The following DCAF11 variants were observed in gnomAD, a reference collection of about 807,000 sequenced individuals.
The protein encoded by DCAF11 is DDB1- and CUL4-associated factor 11.
DCAF11 carries 44 observed loss-of-function variants against 76.1 expected under a neutral mutation model. That is an observed-to-expected ratio of 0.58 (90% CI 0.45 to 0.74). DCAF11 has a LOEUF of 0.74. DCAF11 is among the 30% of genes least tolerant of loss of function. The pLI, the probability that DCAF11 is intolerant of heterozygous loss-of-function variation, is 0.00. For synonymous variants in DCAF11, 258 were observed against 255.0 expected, an observed-to-expected ratio of 1.01 and a Z score of -0.11; for missense variants, 604 against 709.4, an observed-to-expected ratio of 0.85 and a Z score of 1.69.
At chr14:24,120,774 C>G in intron 11 of DCAF11, 64 bp from the exon 12 acceptor site, 1 of 1,591,164 alleles carries the variant, frequency 6.3e-7, no homozygotes, top group South Asian at 1.1e-5. Flanking sequence ...AGAACGGGAA[C>G]TAGACTGACA....
At chr14:24,120,716 G>A in intron 11 of DCAF11, 122 bp from the exon 12 acceptor site, 1 of 1,249,808 alleles carries the variant, frequency 8.0e-7, no homozygotes, top group Non-Finnish European at 1.1e-6. Context: ...TCACCTGGAT[G>A]AAGAGAGGCA....
rs1566589547 is a variant in DCAF11, at chr14:24,115,228, G to A, written c.-279G>A. The stretch of plus-strand genomic sequence containing the variant: ...GAGGGATTTCGATTGGTCGGTCAGA[G>A]AGGTTACCTGGAAATCCAACACCGC... On this transcript the variant is annotated 5_prime_UTR_variant, in exon 1 of 15. Transcript: ENST00000446197. 5.1e-6 allele frequency: 1 copy of A among 196,934 alleles called. No homozygotes were observed. Among genetic ancestry groups the A allele is most frequent in the Non-Finnish European group, 9.8e-6 (1 of 102,246 alleles). The allele number at this position is 196,934 out of a possible 1,614,324, so 12.2% of individuals were successfully genotyped here.
rs369559593 is a variant in DCAF11, at chr14:24,120,004, G to T, written c.1092+108G>T. ...ATTTGACAAGCTCCTTATTAACCAA[G>T]GTTTGTAAGAGTTGGAGTTTAGGGA... On this transcript the variant is annotated intron_variant, in intron 11 of 14. Coordinates refer to ENST00000446197, the MANE Select transcript of DCAF11 (RefSeq NM_025230.5). 1,068 of 1,366,254 alleles carry T rather than the reference G, an allele frequency of 7.8e-4. 9 individuals carry two copies. Among genetic ancestry groups the T allele is most frequent in the Middle Eastern group, 2.1e-3 (8 of 3,754 alleles). 84.6% of individuals were successfully genotyped at this position (1,366,254 alleles called of 1,614,324 possible).
At chr14:24,122,513 GAAAA>G (rs796958184) in intron 13 of DCAF11, among the ~76,000 whole-genome samples, 23 of 142,392 alleles carry the variant, frequency 1.6e-4, no homozygotes, top group African/African-American at 5.8e-4. Context: ...AAAAGAAAAA[GAAAA>G]AAAAAACCAG....
chr14:24,123,473 T>C lies in DCAF11; in HGVS notation c.*164T>C. 8.9e-7 allele frequency: 1 copy of C among 1,127,484 alleles called. No individual in the cohort carries two copies. The allele number at this position is 1,127,484 out of a possible 1,614,324, so 69.8% of individuals were successfully genotyped here. A position where few individuals can be genotyped will look rare whatever the true frequency, so the allele number is the denominator to read the frequency against. On this transcript the variant is annotated 3_prime_UTR_variant, in exon 15 of 15. Coordinates refer to ENST00000446197, the MANE Select transcript of DCAF11 (RefSeq NM_025230.5). ...GCTGAGCCCTGGAAGATTCTCCCCATGGGGCAGAGTGGTCTCCTTACGTGC... is the reference window on the plus strand; with the variant it reads ...GCTGAGCCCTGGAAGATTCTCCCCACGGGGCAGAGTGGTCTCCTTACGTGC...
At position 24,118,824 on chromosome 14, in the gene DCAF11, G is replaced by A; in HGVS notation, c.779+20G>A. The A allele has an allele frequency of 6.2e-7, 1 of 1,613,430 alleles. No homozygotes were observed. The highest frequency in any genetic ancestry group is 8.5e-7 in the Non-Finnish European group (1 of 1,179,564). On this transcript the variant is annotated intron_variant, in intron 8 of 14. Coordinates refer to ENST00000446197, the MANE Select transcript of DCAF11 (RefSeq NM_025230.5). ...TCTCAGGTACTGGCTTCCCTTTCTGGTCAGACTCATCAGAAACTTCTCAAG... is the reference window on the plus strand; with the variant it reads ...TCTCAGGTACTGGCTTCCCTTTCTGATCAGACTCATCAGAAACTTCTCAAG...
rs2037589027 is a variant in DCAF11 at position 24,116,892 on chromosome 14, C to T, written c.156-25C>T. 5 of 1,613,744 alleles carry T rather than the reference C, an allele frequency of 3.1e-6. No individual in the cohort carries two copies. The African/African-American group carries it at 6.7e-5, about 22-fold the overall frequency. ...TTGGTTTGGGGGAAGAAGTCCCCTC[C>T]TTTATAATGGGGGTCTCTCCACAGA... On this transcript the variant is annotated intron_variant, in intron 2 of 14. Coordinates refer to ENST00000446197, the MANE Select transcript of DCAF11 (RefSeq NM_025230.5).
rs192793649 is a variant in DCAF11 at position 24,115,020 on chromosome 14, C to A, written c.-487C>A. On this transcript the variant is annotated 5_prime_UTR_variant, in exon 1 of 15. Transcript: ENST00000446197. ...TGGCGTACACACCCCCGGCGCACCA[C>A]GTGGGCGTGAGGCGAGGAAGGAGGG... The A allele has an allele frequency of 3.3e-5, 33 of 986,002 alleles. No homozygotes were observed. The Admixed American group carries it at 1.7e-3, about 51-fold the overall frequency. The allele number at this position is 986,002 out of a possible 1,614,324, so 61.1% of individuals were successfully genotyped here.
rs1348194041 is a variant in DCAF11, at chr14:24,115,647, AGGGCTTGCCCCGAAGAG to A, written c.59_75del (p.Leu20TrpfsTer6). 1 of 1,614,000 alleles carries A rather than the reference AGGGCTTGCCCCGAAGAG, an allele frequency of 6.2e-7. No individual in the cohort carries two copies. The highest frequency in any genetic ancestry group is 1.3e-5 in the African/African-American group (1 of 75,078). On this transcript the variant is annotated frameshift_variant, in exon 2 of 15. Transcript: ENST00000446197. LOFTEE classifies it high-confidence loss of function. ...GGATCCGGGTCCGGAGACCCCTCCG[AGGGCTTGCCCCGAAGAG>A]GGGCTGGCCTGCGTCGGAGTGAGGA... is the stretch of plus-strand genomic sequence containing the variant.
chr14:24,122,157 CAAA>C (rs55963929), intron 13 of DCAF11: 9 of 99,312 alleles, frequency 9.1e-5, no homozygotes, highest in Admixed American at 2.8e-4. Context: ...GAAACTGTCT[CAAA>C]AAAAAAAAAA....
intron 2 of DCAF11, among the ~76,000 whole-genome samples, chr14:24,116,314 G>A (rs531255933): frequency 1.6e-4 from 25 of 152,254 alleles, no homozygotes; most frequent in African/African-American, 5.8e-4. Context: ...GGGTTTGGGG[G>A]TCCCTTCAGA....
At chr14:24,118,975 A>T (rs1348705849) in intron 8 of DCAF11, 170 bp from the exon 9 acceptor site, 2 of 1,124,224 alleles carry the variant, frequency 1.8e-6, no homozygotes, top group African/African-American at 3.1e-5. Context: ...TGGGTAAAAT[A>T]GATGGTTGCA....
intron 11 of DCAF11, 76 bp from the exon 12 acceptor site, chr14:24,120,762 A>G: frequency 3.8e-6 from 6 of 1,558,554 alleles, no homozygotes; most frequent in South Asian, 1.2e-5. Context: ...CTGCTCAACT[A>G]GAGAACGGGA....
chr14:24,115,387 GAGA>G lies in DCAF11; in HGVS notation c.-205_-203del, dbSNP rs1317483016. On this transcript the variant is annotated 5_prime_UTR_variant, in exon 2 of 15. Transcript: ENST00000446197. ...TTGCTTTCTTTGCTTCACAGGATTGGAGAAGGTTTGTGTTCCCGACGCCTTGGT... is the reference window on the plus strand; with the variant it reads ...TTGCTTTCTTTGCTTCACAGGATTGGAGGTTTGTGTTCCCGACGCCTTGGT... 10 of 561,024 alleles carry G rather than the reference GAGA, an allele frequency of 1.8e-5. No individual in the cohort carries two copies. The South Asian group carries it at 1.8e-4, about 10-fold the overall frequency. The allele number at this position is 561,024 out of a possible 1,614,324, so 34.8% of individuals were successfully genotyped here. A position where few individuals can be genotyped will look rare whatever the true frequency, so the allele number is the denominator to read the frequency against.
In DCAF11 at chr14:24,118,483, G is replaced by A. The variant is rs1320240731; in HGVS notation, c.673G>A (p.Ala225Thr). ...RDVGWSVLDV[A>T]FTPDGNHFLY... ...CGTAGGCTGGAGCGTCTTGGATGTG[G>A]CCTTCACCCCTGATGGGAACCACTT... is the stretch of plus-strand genomic sequence containing the variant. The change falls in exon 7 of 15, where the codon GCC (alanine) becomes ACC (threonine). Residue 225 changes from alanine to threonine, a missense_variant. Physicochemically the swap from Ala to Thr is moderately conservative, Grantham distance 58. Coordinates refer to ENST00000446197, the MANE Select transcript of DCAF11 (RefSeq NM_025230.5). The A allele has an allele frequency of 6.2e-7, 1 of 1,614,044 alleles. No individual in the cohort carries two copies. Among genetic ancestry groups the A allele is most frequent in the Non-Finnish European group, 8.5e-7 (1 of 1,180,036 alleles).
Position 24,117,045 on chromosome 14 carries a change from G to T in DCAF11, c.283+1G>T. 6.2e-7 allele frequency: 1 copy of T among 1,614,184 alleles called. No individual in the cohort carries two copies. The highest frequency in any genetic ancestry group is 8.5e-7 in the Non-Finnish European group (1 of 1,180,038). ...CTTGGGGATCGATACAACCCACCTG[G>T]TAAGAGGAAAAGCCCCTAATGTTGG... is the stretch of plus-strand genomic sequence containing the variant. On this transcript the variant is annotated splice_donor_variant, in intron 3 of 14. Transcript: ENST00000446197. LOFTEE classifies it high-confidence loss of function. This position sits in a 1 kb window ranked among gnomAD's most constrained non-coding sequence, Gnocchi z 4.3.
chr14:24,118,491 C>T lies in DCAF11; in HGVS notation c.681C>T (p.Thr227=), dbSNP rs1238112499. The part of the protein sequence containing the change: ...VGWSVLDVAF[T]PDGNHFLYSS... ...GGAGCGTCTTGGATGTGGCCTTCAC[C>T]CCTGATGGGAACCACTTCCTCTACT... The change falls in exon 7 of 15, where the codon ACC becomes ACT. Residue 227 remains threonine, a synonymous_variant. Coordinates refer to ENST00000446197, the MANE Select transcript of DCAF11 (RefSeq NM_025230.5). The T allele has an allele frequency of 1.9e-6, 3 of 1,614,074 alleles. No individual in the cohort carries two copies. Among genetic ancestry groups the T allele is most frequent in the Non-Finnish European group, 2.5e-6 (3 of 1,180,046 alleles).
rs2037731175 is a variant in DCAF11, at chr14:24,123,543, C to T, written c.*234C>T. ...GTCCCTATCTCTGGCCAGAGTTTGG[C>T]AGGACTGCCATTATCTGGGGTGTGG... is the stretch of plus-strand genomic sequence containing the variant. On this transcript the variant is annotated 3_prime_UTR_variant, in exon 15 of 15. Coordinates refer to ENST00000446197, the MANE Select transcript of DCAF11 (RefSeq NM_025230.5). 3.9e-6 allele frequency: 2 copies of T among 514,102 alleles called. No individual in the cohort carries two copies. Among genetic ancestry groups the T allele is most frequent in the Non-Finnish European group, 6.2e-6 (2 of 320,240 alleles). The allele number at this position is 514,102 out of a possible 1,614,324, so 31.8% of individuals were successfully genotyped here. A position where few individuals can be genotyped will look rare whatever the true frequency, so the allele number is the denominator to read the frequency against.
At position 24,120,914 on chromosome 14, in the gene DCAF11, G is replaced by T. The variant is rs746480770; in HGVS notation, c.1169G>T (p.Arg390Leu). The change falls in exon 12 of 15, where the codon CGG (arginine) becomes CTG (leucine). Residue 390 changes from arginine to leucine, a missense_variant. Physicochemically the swap from Arg to Leu is moderately radical, Grantham distance 102. Transcript: ENST00000446197. ...TGGGATATCCGACGCTTTTCCAGCC[G>T]GGAAGGCATGGAAGCTTCACGCCAG... ...KLWDIRRFSS[R>L]EGMEASRQAA... 2 of 1,614,040 alleles carry T rather than the reference G, an allele frequency of 1.2e-6. No homozygotes were observed.
Sources: allele counts gnomAD v4.1 joint callset (sites outside exome capture counted in the v4.1 genomes callset), GRCh38; gene constraint gnomAD v4.1.1; non-coding constraint Gnocchi (gnomAD v3.1); transcripts MANE v1.5; gene names NCBI Gene and HGNC (gene_info 2026-07-23, HGNC 2026-07-21).